Variants in CLASP2 observed in about 807,000 individuals in gnomAD.
CLASP2 encodes the protein cytoplasmic linker associated protein 2.
CLASP2 carries 47 observed loss-of-function variants against 194.4 expected under a neutral mutation model. The observed-to-expected ratio is 0.24, with a 90% CI of 0.19 to 0.31. The LOEUF (loss-of-function observed/expected upper bound fraction) is 0.31, where lower values mean the gene tolerates loss of function less well. Ranked by LOEUF, CLASP2 falls within the 10% of genes least tolerant of loss-of-function variation. The pLI is 1.00. For missense variants in CLASP2, 1,445 were observed against 1,823.6 expected (o/e 0.79, Z 3.78); for synonymous variants, 619 against 633.5 (o/e 0.98, Z 0.34).
At chr3:33,687,855 G>C (rs1003604591) in intron 4 of CLASP2, among the ~76,000 whole-genome samples, 3 of 152,152 alleles carry the variant, frequency 2.0e-5, no homozygotes, top group African/African-American at 7.2e-5. Flanking sequence ...CCAGTTACCT[G>C]GGAAAGTTTT....
At chr3:33,687,536 C>A (rs965385096) in intron 4 of CLASP2, among the ~76,000 whole-genome samples, 1 of 152,156 alleles carries the variant, frequency 6.6e-6, no homozygotes. Flanking sequence ...ATTAAAAGAT[C>A]TTTATGCTTA....
intron 8 of CLASP2, among the ~76,000 whole-genome samples, chr3:33,642,901 A>C (rs949969220): frequency 3.3e-5 from 5 of 151,836 alleles, no homozygotes; most frequent in African/African-American, 7.2e-5. Flanking sequence ...AAGAAGAAAA[A>C]GGAGGAGGAA....
chr3:33,596,629 TAA>T, intron 19 of CLASP2, 80 bp downstream of exon 19: 3 of 931,642 alleles, frequency 3.2e-6, no homozygotes, highest in Non-Finnish European at 4.9e-6. Flanking sequence ...TTTTAGAAAT[TAA>T]GAGAAGAATG....
At chr3:33,527,600 C>T (rs994324272) in intron 34 of CLASP2, among the ~76,000 whole-genome samples, 3 of 152,120 alleles carry the variant, frequency 2.0e-5, no homozygotes, top group Non-Finnish European at 2.9e-5. Context: ...AGGAAAGACT[C>T]CTTCACAACT....
At chr3:33,528,731 C>T (rs2055306716) in intron 34 of CLASP2, among the ~76,000 whole-genome samples, 1 of 151,784 alleles carries the variant, frequency 6.6e-6, no homozygotes, top group Non-Finnish European at 1.5e-5. Flanking sequence ...CACAGCACTC[C>T]AGCCTGGGTG....
chr3:33,559,066 C>G (rs778538943), intron 29 of CLASP2: 8 of 589,328 alleles, frequency 1.4e-5, no homozygotes, highest in Non-Finnish European at 2.5e-5. Flanking sequence ...AATACAGATG[C>G]AAACACTGCA....
In CLASP2 at chr3:33,573,373, C is replaced by T; in HGVS notation, c.2455-19G>A. On this transcript the variant is annotated intron_variant, in intron 24 of 38. Transcript: ENST00000682230. Reference sequence around the variant, plus strand: ...GTTTTTTCTGTTATACATCAAGAATCTCATTAGCAGTAGCCAAAAGAATAT... The same window carrying T: ...GTTTTTTCTGTTATACATCAAGAATTTCATTAGCAGTAGCCAAAAGAATAT... 6.2e-7 allele frequency: 1 copy of T among 1,611,122 alleles called. No individual in the cohort carries two copies. Among genetic ancestry groups the T allele is most frequent in the Non-Finnish European group, 8.5e-7 (1 of 1,178,142 alleles).
chr3:33,546,156 CTTTGG>C (rs1258295589), intron 30 of CLASP2, among the ~76,000 whole-genome samples: 1 of 152,164 alleles, frequency 6.6e-6, no homozygotes, highest in Non-Finnish European at 1.5e-5. Context: ...ATCTAGTTTA[CTTTGG>C]TTTGGAGATT....
At chr3:33,711,246 ATTT>A (rs71070144) in intron 1 of CLASP2, among the ~76,000 whole-genome samples, 2 of 133,962 alleles carry the variant, frequency 1.5e-5, no homozygotes, top group African/African-American at 2.8e-5. Flanking sequence ...CCAGTATTGC[ATTT>A]TTTTTTTTTT....
rs370689713 is a variant in CLASP2 at position 33,581,973 on chromosome 3, A to C, written c.2240-45T>G. The C allele has an allele frequency of 2.9e-6, 4 of 1,378,954 alleles. No homozygotes were observed. The African/African-American group carries it at 5.7e-5, about 20-fold the overall frequency. The allele number at this position is 1,378,954 out of a possible 1,614,324, so 85.4% of individuals were successfully genotyped here. ...GCACACACAGTAAGGGAGAAAACAG[A>C]ACAGAGTTTGCATTTTAAAAAATTT... is the stretch of plus-strand genomic sequence containing the variant. On this transcript the variant is annotated intron_variant, in intron 22 of 38. Coordinates refer to ENST00000682230, the MANE Select transcript of CLASP2 (RefSeq NM_001365631.1).
chr3:33,638,725 T>C (rs752114313), intron 8 of CLASP2, among the ~76,000 whole-genome samples: 3 of 152,250 alleles, frequency 2.0e-5, no homozygotes, highest in Non-Finnish European at 2.9e-5. Context: ...TCTTACCAAG[T>C]CAACTATATT....
At chr3:33,714,073 A>G (rs1575808026) in intron 1 of CLASP2, among the ~76,000 whole-genome samples, 1 of 152,338 alleles carries the variant, frequency 6.6e-6, no homozygotes, top group Non-Finnish European at 1.5e-5. Flanking sequence ...AAAAAAAGGA[A>G]AATAATAGTA....
intron 6 of CLASP2, among the ~76,000 whole-genome samples, chr3:33,671,197 T>C (rs958493326): frequency 6.6e-6 from 1 of 152,126 alleles, no homozygotes; most frequent in African/African-American, 2.4e-5. Context: ...AGGTTCACAA[T>C]TCAGAGACAG....
At chr3:33,608,647 G>A (rs1336926483) in intron 13 of CLASP2, 21 bp from the exon 14 acceptor site, 1 of 1,530,314 alleles carries the variant, frequency 6.5e-7, no homozygotes, top group African/African-American at 1.4e-5. Flanking sequence ...AAAGTTGAAT[G>A]ATAACTAAAT....
At chr3:33,601,419 T>C (rs2072170988) in intron 18 of CLASP2, among the ~76,000 whole-genome samples, 1 of 152,218 alleles carries the variant, frequency 6.6e-6, no homozygotes, top group African/African-American at 2.4e-5. Context: ...TTTCTTGATA[T>C]ATGTAGAATT....
chr3:33,534,045 C>T (rs2056855754), intron 34 of CLASP2, among the ~76,000 whole-genome samples: 1 of 151,850 alleles, frequency 6.6e-6, no homozygotes, highest in Non-Finnish European at 1.5e-5. Flanking sequence ...CTGACACACA[C>T]AAAAAGAATT....
At chr3:33,508,914 T>G (rs1392101983) in intron 37 of CLASP2, among the ~76,000 whole-genome samples, 1 of 152,212 alleles carries the variant, frequency 6.6e-6, no homozygotes, top group Non-Finnish European at 1.5e-5. Context: ...ATAGTTTCCT[T>G]GCTTTCAGTC....
chr3:33,498,589 G>A lies in CLASP2; in HGVS notation c.*42C>T, dbSNP rs2046093603. ...TTTCATTGATGAGGGTGGTCTATCT[G>A]TCCTTTCTTTTGAGAGACCTGGTTC... On this transcript the variant is annotated 3_prime_UTR_variant, in exon 39 of 39. Coordinates refer to ENST00000682230, the MANE Select transcript of CLASP2 (RefSeq NM_001365631.1). 2 of 1,313,986 alleles carry A rather than the reference G, an allele frequency of 1.5e-6. No homozygotes were observed. Among genetic ancestry groups the A allele is most frequent in the Non-Finnish European group, 2.2e-6 (2 of 911,650 alleles). 81.4% of individuals were successfully genotyped at this position (1,313,986 alleles called of 1,614,324 possible). A position where few individuals can be genotyped will look rare whatever the true frequency, so the allele number is the denominator to read the frequency against.
intron 30 of CLASP2, 198 bp from the exon 31 acceptor site, chr3:33,545,039 G>T (rs185437836): frequency 3.5e-5 from 14 of 404,790 alleles, no homozygotes; most frequent in African/African-American, 2.5e-4. Flanking sequence ...TTTTTTTAAG[G>T]TAAGAAGGGA....
Sources: allele counts gnomAD v4.1 joint callset (sites outside exome capture counted in the v4.1 genomes callset), GRCh38; gene constraint gnomAD v4.1.1; transcripts MANE v1.5; gene names NCBI Gene and HGNC (gene_info 2026-07-23, HGNC 2026-07-21).